The following KLF8 variants were observed in gnomAD, a reference collection of about 807,000 sequenced individuals.
KLF8 encodes the protein KLF transcription factor 8.
A neutral mutation model predicts 18.2 loss-of-function variants in KLF8; 10 were observed. That is an observed-to-expected ratio of 0.55 (90% CI 0.34 to 0.93). The LOEUF is 0.93. KLF8 is among the 40% of genes least tolerant of loss of function. KLF8 has a pLI of 0.02. For synonymous variants in KLF8, 109 were observed against 97.3 expected (o/e 1.12, Z -0.71); for missense variants, 264 against 277.9 (o/e 0.95, Z 0.36).
intron 5 of KLF8, among the ~76,000 whole-genome samples, chrX:56,277,988 C>CA (rs1473448253): frequency 8.9e-6 from 1 of 112,568 alleles, no homozygotes; most frequent in Non-Finnish European, 1.9e-5. Flanking sequence ...CCATAAGGCC[C>CA]AAGGCCTCTT....
At chrX:56,184,134 C>G in the KLF8 span, among the ~76,000 whole-genome samples, 4 of 112,301 alleles carry the variant, frequency 3.6e-5, no homozygotes, top group Non-Finnish European at 7.5e-5. Context: ...AAAGGGGTGA[C>G]AGACGGCACC....
chrX:56,055,074 C>A, the KLF8 span, among the ~76,000 whole-genome samples: 1 of 111,478 alleles, frequency 9.0e-6, no homozygotes, highest in African/African-American at 3.3e-5. Flanking sequence ...GGCCTGTTTA[C>A]CTTCAAGGTT....
At chrX:56,122,882 C>A in the KLF8 span, among the ~76,000 whole-genome samples, 2 of 111,026 alleles carry the variant, frequency 1.8e-5, no homozygotes, top group Non-Finnish European at 3.8e-5. Flanking sequence ...AGCCACCATG[C>A]CCAGCCTTAA....
the KLF8 span, among the ~76,000 whole-genome samples, chrX:56,008,118 C>CTATATACATA: frequency 1.0e-5 from 1 of 99,821 alleles, no homozygotes; most frequent in African/African-American, 3.8e-5. Context: ...TAGTGCAAAG[C>CTATATACATA]TATATATATA....
chrX:56,163,350 G>T, the KLF8 span, among the ~76,000 whole-genome samples: 1 of 112,148 alleles, frequency 8.9e-6, no homozygotes, highest in Non-Finnish European at 1.9e-5. Flanking sequence ...AACAAGTGAT[G>T]TTGAGGTTTT....
chrX:55,966,425 C>T, the KLF8 span, among the ~76,000 whole-genome samples: 2 of 112,015 alleles, frequency 1.8e-5, no homozygotes, highest in Non-Finnish European at 3.8e-5. Context: ...GAGAGAGACT[C>T]TATTTGGAAG....
chrX:56,147,898 A>G, the KLF8 span, among the ~76,000 whole-genome samples: 1 of 112,132 alleles, frequency 8.9e-6, no homozygotes, highest in Non-Finnish European at 1.9e-5. Context: ...GAATTGCTTG[A>G]GCCTGGGAGG....
the KLF8 span, among the ~76,000 whole-genome samples, chrX:56,112,077 C>G: frequency 4.9e-3 from 549 of 111,692 alleles, 2 homozygotes; most frequent in Non-Finnish European, 8.0e-3. Context: ...GACTTGGAAC[C>G]AACCCAAATG....
At chrX:55,961,680 G>T in the KLF8 span, 1 of 407,412 alleles carries the variant, frequency 2.5e-6, no homozygotes, top group Admixed American at 3.1e-5. Flanking sequence ...AAACCATCCT[G>T]GGGAAATCAC....
chrX:56,158,179 T>G, the KLF8 span, among the ~76,000 whole-genome samples: 1 of 111,930 alleles, frequency 8.9e-6, no homozygotes, highest in East Asian at 2.8e-4. Flanking sequence ...TTCTCAGGTT[T>G]GTCAAAGATC....
At chrX:55,920,582 T>C in the KLF8 span, among the ~76,000 whole-genome samples, 1 of 110,217 alleles carries the variant, frequency 9.1e-6, no homozygotes, top group Non-Finnish European at 1.9e-5. Flanking sequence ...TAAAAAACAA[T>C]CACAGCTTCT....
the KLF8 span, among the ~76,000 whole-genome samples, chrX:56,125,209 C>T: frequency 8.0e-5 from 9 of 111,872 alleles, no homozygotes; most frequent in Non-Finnish European, 1.5e-4. Flanking sequence ...CTCCTCCATC[C>T]TCATAGCCTA....
chrX:56,178,333 T>A, the KLF8 span, among the ~76,000 whole-genome samples: 1 of 112,481 alleles, frequency 8.9e-6, no homozygotes, highest in Non-Finnish European at 1.9e-5. Context: ...ATGGGGTTGT[T>A]TGATTTTTTC....
the KLF8 span, among the ~76,000 whole-genome samples, chrX:56,065,882 G>A: frequency 1.8e-5 from 2 of 111,933 alleles, no homozygotes; most frequent in Non-Finnish European, 3.8e-5. Flanking sequence ...TGATGTTTGT[G>A]TGTGGATGTG....
chrX:56,073,051 A>T, the KLF8 span, among the ~76,000 whole-genome samples: 12 of 103,402 alleles, frequency 1.2e-4, no homozygotes, highest in Non-Finnish European at 1.9e-4. Context: ...CAGTGGCGCG[A>T]TTTCGGCTCA....
At chrX:56,181,129 C>T in the KLF8 span, among the ~76,000 whole-genome samples, 1 of 111,436 alleles carries the variant, frequency 9.0e-6, no homozygotes, top group African/African-American at 3.3e-5. Flanking sequence ...GGACTTTCTT[C>T]ATGAATCTTG....
At chrX:56,176,890 C>T in the KLF8 span, among the ~76,000 whole-genome samples, 32 of 111,927 alleles carry the variant, frequency 2.9e-4, no homozygotes, top group East Asian at 5.9e-3. Flanking sequence ...TCCAGTTGAT[C>T]GAATCAGCTA....
chrX:56,147,171 A>G, the KLF8 span, among the ~76,000 whole-genome samples: 9 of 112,398 alleles, frequency 8.0e-5, no homozygotes, highest in Non-Finnish European at 1.5e-4. Context: ...AATGGAGAGG[A>G]GAAACAGACT....
At chrX:56,138,619 C>G in the KLF8 span, among the ~76,000 whole-genome samples, 4 of 111,039 alleles carry the variant, frequency 3.6e-5, no homozygotes, top group African/African-American at 1.3e-4. Flanking sequence ...ATTCAACATC[C>G]CTTCATGTTG....
Sources: allele counts gnomAD v4.1 joint callset (sites outside exome capture counted in the v4.1 genomes callset), GRCh38; gene constraint gnomAD v4.1.1; transcripts MANE v1.5; gene names NCBI Gene and HGNC (gene_info 2026-07-23, HGNC 2026-07-21).